The following KCNQ3 variants were observed in gnomAD, a reference collection of about 807,000 sequenced individuals.
KCNQ3 encodes the protein potassium voltage-gated channel subfamily Q member 3.
Under a neutral mutation model 92.5 loss-of-function variants are expected in KCNQ3, and 30 were observed. That is an observed-to-expected ratio of 0.32 (90% confidence interval 0.24 to 0.44). The LOEUF (loss-of-function observed/expected upper bound fraction) is 0.44, where lower values mean the gene tolerates loss of function less well. Among genes scored for constraint, KCNQ3 ranks in the 20% least tolerant of loss-of-function variants. KCNQ3 has a pLI of 1.00. For synonymous variants in KCNQ3, 450 were observed against 468.8 expected (o/e 0.96, Z 0.52); for missense variants, 913 against 1,140.3 (o/e 0.80, Z 2.87).
intron 1 of KCNQ3, among the ~76,000 whole-genome samples, chr8:132,198,735 A>G (rs986361512): frequency 1.3e-5 from 2 of 152,098 alleles, no homozygotes; most frequent in African/African-American, 4.8e-5. Flanking sequence ...TGAACCCGGG[A>G]GGTAGAGGTT....
chr8:132,279,851 T>TGC (rs1158237160), intron 1 of KCNQ3, among the ~76,000 whole-genome samples: 3 of 117,144 alleles, frequency 2.6e-5, no homozygotes, highest in South Asian at 3.5e-4. Flanking sequence ...TGTGTATATA[T>TGC]GCGTGTGTGT....
chr8:132,421,215 A>G (rs1178297871), intron 1 of KCNQ3, among the ~76,000 whole-genome samples: 1 of 152,242 alleles, frequency 6.6e-6, no homozygotes, highest in South Asian at 2.1e-4. Flanking sequence ...AATATATTTT[A>G]AGATATTTGA....
intron 1 of KCNQ3, among the ~76,000 whole-genome samples, chr8:132,329,341 C>G (rs1019879236): frequency 6.6e-6 from 1 of 152,206 alleles, no homozygotes; most frequent in Admixed American, 6.5e-5. Flanking sequence ...TAACGAGGTG[C>G]TGTAACAGAA....
chr8:132,390,618 T>C (rs976884766), intron 1 of KCNQ3, among the ~76,000 whole-genome samples: 1 of 152,140 alleles, frequency 6.6e-6, no homozygotes, highest in East Asian at 1.9e-4. Context: ...CTTGGAACAC[T>C]GTATAAGAGC....
chr8:132,207,337 G>C (rs1813692473), intron 1 of KCNQ3, among the ~76,000 whole-genome samples: 1 of 152,132 alleles, frequency 6.6e-6, no homozygotes, highest in Non-Finnish European at 1.5e-5. Flanking sequence ...TAGCTGTATT[G>C]CTGCTTTAAC....
chr8:132,310,651 C>A (rs1817569295), intron 1 of KCNQ3, among the ~76,000 whole-genome samples: 1 of 152,230 alleles, frequency 6.6e-6, no homozygotes, highest in Non-Finnish European at 1.5e-5. Flanking sequence ...CCACAGGTGA[C>A]TGGACGCCTT....
Position 132,129,423 on chromosome 8 carries a change from G to A in KCNQ3, c.2458C>T (p.Pro820Ser). ...SQDRDDYVFG[P>S]NGGSSWMREK... ...CTCATCCAGCTCGACCCCCCATTGG[G>A]GCCGAACACATAATCATCTCTGTCC... is the stretch of plus-strand genomic sequence containing the variant. Residue 820 changes from proline to serine, a missense_variant, in exon 15 of 15, where the codon CCC (proline) becomes TCC (serine). By Grantham distance (74) the Pro-to-Ser change is moderately conservative. Transcript: ENST00000388996. The surrounding 1 kb of genome is among the most constrained non-coding windows in gnomAD (Gnocchi z 5.9). 1 of 1,614,174 alleles carries A rather than the reference G, an allele frequency of 6.2e-7. No individual in the cohort carries two copies. Among genetic ancestry groups the A allele is most frequent in the Non-Finnish European group, 8.5e-7 (1 of 1,180,024 alleles).
intron 1 of KCNQ3, 113 bp downstream of exon 1, chr8:132,480,034 A>T (rs1401292678): frequency 9.6e-7 from 1 of 1,040,256 alleles, no homozygotes; most frequent in Non-Finnish European, 1.4e-6. Flanking sequence ...TCTCCCCTTC[A>T]GCGGGAAAGC....
At chr8:132,246,647 A>C (rs1271222758) in intron 1 of KCNQ3, among the ~76,000 whole-genome samples, 1 of 152,212 alleles carries the variant, frequency 6.6e-6, no homozygotes, top group Non-Finnish European at 1.5e-5. Context: ...ACCATGGCAC[A>C]CCGTTATATC....
intron 1 of KCNQ3, among the ~76,000 whole-genome samples, chr8:132,197,843 C>T (rs532896045): frequency 2.4e-3 from 368 of 152,314 alleles, no homozygotes; most frequent in African/African-American, 8.3e-3. Flanking sequence ...TGAGGTTTCA[C>T]TTTAAGTATC....
chr8:132,393,628 A>G (rs1273305784), intron 1 of KCNQ3, among the ~76,000 whole-genome samples: 1 of 152,204 alleles, frequency 6.6e-6, no homozygotes, highest in Admixed American at 6.5e-5. Flanking sequence ...TTTAACAACT[A>G]AATTTATCAA....
chr8:132,134,590 G>A (rs1327943664), intron 12 of KCNQ3, among the ~76,000 whole-genome samples: 1 of 151,448 alleles, frequency 6.6e-6, no homozygotes, highest in African/African-American at 2.4e-5. Flanking sequence ...GAAAGAGAGA[G>A]TGCATACTAG....
intron 1 of KCNQ3, among the ~76,000 whole-genome samples, chr8:132,317,300 G>T (rs1817771424): frequency 6.6e-6 from 1 of 152,018 alleles, no homozygotes; most frequent in Non-Finnish European, 1.5e-5. Context: ...ACTCCCCAGT[G>T]GTCACCTATA....
At chr8:132,355,728 C>A (rs1167717532) in intron 1 of KCNQ3, among the ~76,000 whole-genome samples, 1 of 152,188 alleles carries the variant, frequency 6.6e-6, no homozygotes, top group Non-Finnish European at 1.5e-5. Flanking sequence ...ACATGGTCTG[C>A]TGACATGAGC....
Position 132,300,501 on chromosome 8 carries a change from A to G in KCNQ3, c.387-114320T>C, listed in dbSNP as rs538003367. Among the ~76,000 whole-genome samples the G allele has an allele frequency of 5.9e-5, 9 of 152,292 alleles. No homozygotes were observed. The South Asian group carries it at 1.7e-3, about 28-fold the overall frequency. ...ATTTTAAAAACCAGAACCTGCTGAG[A>G]GGTACCCCAAAAACCTTTCAGGGTT... On this transcript the variant is annotated intron_variant, in intron 1 of 14. Coordinates refer to ENST00000388996, the MANE Select transcript of KCNQ3 (RefSeq NM_004519.4).
intron 1 of KCNQ3, among the ~76,000 whole-genome samples, chr8:132,299,792 C>T (rs570603985): frequency 7.4e-4 from 112 of 152,276 alleles, no homozygotes; most frequent in African/African-American, 2.4e-3. Flanking sequence ...TTTCTGAGGG[C>T]GGTATTTTCC....
At chr8:132,367,872 C>T (rs1006219151) in intron 1 of KCNQ3, among the ~76,000 whole-genome samples, 2 of 152,156 alleles carry the variant, frequency 1.3e-5, no homozygotes, top group African/African-American at 4.8e-5. Context: ...AATCAGAACT[C>T]CCAGAGAGTT....
At chr8:132,391,124 C>G (rs1165277150) in intron 1 of KCNQ3, among the ~76,000 whole-genome samples, 1 of 152,112 alleles carries the variant, frequency 6.6e-6, no homozygotes, top group Non-Finnish European at 1.5e-5. Context: ...GAGACAAGGC[C>G]CAGGCCCTTC....
At chr8:132,157,158 A>C (rs1825822318) in intron 9 of KCNQ3, among the ~76,000 whole-genome samples, 1 of 152,184 alleles carries the variant, frequency 6.6e-6, no homozygotes, top group African/African-American at 2.4e-5. Flanking sequence ...TCTAATAGCA[A>C]ATGAGGGCTT....
Sources: allele counts gnomAD v4.1 joint callset (sites outside exome capture counted in the v4.1 genomes callset), GRCh38; gene constraint gnomAD v4.1.1; non-coding constraint Gnocchi (gnomAD v3.1); transcripts MANE v1.5; gene names NCBI Gene and HGNC (gene_info 2026-07-23, HGNC 2026-07-21).